Variants in SCD5 observed in about 807,000 individuals in gnomAD.
SCD5 encodes the protein stearoyl-CoA desaturase 5.
SCD5 carries 20 observed loss-of-function variants against 30.4 expected under a neutral mutation model. That is an observed-to-expected ratio of 0.66 (90% confidence interval 0.46 to 0.96). The LOEUF (loss-of-function observed/expected upper bound fraction) is 0.96. Among genes scored for constraint, SCD5 ranks in the 40% least tolerant of loss-of-function variants. The probability of loss-of-function intolerance (pLI) is 0.00; values close to 1 mark genes in which losing one functional copy is unlikely to be tolerated. For synonymous variants in SCD5, 173 were observed against 176.4 expected, an observed-to-expected ratio of 0.98 and a Z score of 0.16; for missense variants, 381 against 443.3, an observed-to-expected ratio of 0.86 and a Z score of 1.26.
chr4:82,718,623 T>C (rs1234368900), intron 1 of SCD5, among the ~76,000 whole-genome samples: 1 of 151,604 alleles, frequency 6.6e-6, no homozygotes, highest in Non-Finnish European at 1.5e-5. Context: ...CTGGCTTAAA[T>C]AGAAAAAAAA....
At chr4:82,725,642 T>C (rs1034020997) in intron 1 of SCD5, among the ~76,000 whole-genome samples, 3 of 152,024 alleles carry the variant, frequency 2.0e-5, no homozygotes, top group Non-Finnish European at 4.4e-5. Context: ...GGCAGATCAT[T>C]TGAGACCAGG....
chr4:82,766,002 T>A (rs1178569448), intron 1 of SCD5, among the ~76,000 whole-genome samples: 1 of 152,232 alleles, frequency 6.6e-6, no homozygotes, highest in African/African-American at 2.4e-5. Flanking sequence ...ATACTGTTCT[T>A]TTCTCTCTGG....
chr4:82,786,947 C>T (rs778707928), intron 1 of SCD5, among the ~76,000 whole-genome samples: 1 of 152,180 alleles, frequency 6.6e-6, no homozygotes, highest in Non-Finnish European at 1.5e-5. Flanking sequence ...CCGCTCTACA[C>T]ATTTTTCTGA....
intron 3 of SCD5, chr4:82,660,905 C>T (rs1475079927): frequency 1.9e-6 from 3 of 1,614,000 alleles, no homozygotes; most frequent in Non-Finnish European, 1.7e-6. Context: ...ACAGAAAGAG[C>T]ACGCAGCATC....
intron 4 of SCD5, among the ~76,000 whole-genome samples, chr4:82,635,721 G>A (rs1319101788): frequency 6.6e-6 from 1 of 151,762 alleles, no homozygotes; most frequent in East Asian, 1.9e-4. Flanking sequence ...GACCCAGGAG[G>A]AGGTAAGTGC....
rs35780731 is a variant in SCD5 at position 82,730,228 on chromosome 4, A to AT, written c.233-24816dup. On this transcript the variant is annotated intron_variant, in intron 1 of 4. Coordinates refer to ENST00000319540, the MANE Select transcript of SCD5 (RefSeq NM_001037582.3). ...TTATATAATACATATATTATATTAT[A>AT]TATAATATTTAAAAACATATAATAT... is the stretch of plus-strand genomic sequence containing the variant. 2.4e-3 allele frequency among the ~76,000 whole-genome samples: 303 copies of AT among 128,544 alleles called. 1 individual carries two copies. The highest frequency in any genetic ancestry group is 8.4e-3 in the African/African-American group (282 of 33,602). 84.3% of individuals were successfully genotyped at this position (128,544 alleles called of 152,430 possible).
At position 82,631,290 on chromosome 4, in the gene SCD5, G is replaced by A. The variant is rs1484019138; in HGVS notation, c.*37C>T. The stretch of plus-strand genomic sequence containing the variant: ...ATTGTAACCAAAGCCATGAACCGAG[G>A]TTGCAACGGCAGACATGTGGGATGG... On this transcript the variant is annotated 3_prime_UTR_variant, in exon 5 of 5. Coordinates refer to ENST00000319540, the MANE Select transcript of SCD5 (RefSeq NM_001037582.3). The A allele has an allele frequency of 6.3e-7, 1 of 1,594,302 alleles. No homozygotes were observed. The highest frequency in any genetic ancestry group is 2.0e-4 in the Middle Eastern group (1 of 4,984).
chr4:82,641,869 A>G (rs1257851270), intron 3 of SCD5, among the ~76,000 whole-genome samples: 2 of 152,108 alleles, frequency 1.3e-5, no homozygotes, highest in Non-Finnish European at 2.9e-5. Flanking sequence ...GAGTGGAGTC[A>G]AGGATGACAC....
At chr4:82,649,493 T>C (rs1196869914) in intron 3 of SCD5, among the ~76,000 whole-genome samples, 1 of 152,186 alleles carries the variant, frequency 6.6e-6, no homozygotes, top group African/African-American at 2.4e-5. Context: ...GCAAACATTT[T>C]TCAGAGGGGC....
intron 1 of SCD5, among the ~76,000 whole-genome samples, chr4:82,720,441 T>TAAAAAAAAAAAAAAAAAAAA (rs1553917690): frequency 2.6e-5 from 2 of 77,936 alleles, no homozygotes; most frequent in African/African-American, 5.3e-5. Flanking sequence ...AAGGCAAAAA[T>TAAAAAAAAAAAAAAAAAAAA]AAAAAAAAAA....
intron 1 of SCD5, among the ~76,000 whole-genome samples, chr4:82,758,630 C>G (rs573454902): frequency 6.6e-6 from 1 of 152,124 alleles, no homozygotes; most frequent in Admixed American, 6.5e-5. Context: ...GCTCAGAGAC[C>G]CCACTCTGTA....
At chr4:82,750,383 A>G (rs527458593) in intron 1 of SCD5, among the ~76,000 whole-genome samples, 2 of 152,310 alleles carry the variant, frequency 1.3e-5, no homozygotes, top group South Asian at 4.1e-4. Flanking sequence ...ACTATCTCCA[A>G]AACATCTGTG....
intron 4 of SCD5, among the ~76,000 whole-genome samples, chr4:82,636,317 G>A (rs1181936161): frequency 6.6e-6 from 1 of 152,014 alleles, no homozygotes; most frequent in Admixed American, 6.5e-5. Context: ...CAGGGATAGT[G>A]GTGGATGCCT....
intron 1 of SCD5, among the ~76,000 whole-genome samples, chr4:82,712,243 CATATATATAT>C (rs762732703): frequency 0.017 from 485 of 28,726 alleles, 7 homozygotes; most frequent in Non-Finnish European, 0.031. Flanking sequence ...GACCAACTAA[CATATATATAT>C]ATATATATAT....
intron 3 of SCD5, among the ~76,000 whole-genome samples, chr4:82,679,666 CTT>C (rs1728526278): frequency 6.6e-6 from 1 of 152,284 alleles, no homozygotes; most frequent in South Asian, 2.1e-4. Flanking sequence ...GAGTCAGAGA[CTT>C]TGATTCCAGC....
At chr4:82,791,163 G>A (rs906665431) in intron 1 of SCD5, among the ~76,000 whole-genome samples, 5 of 152,158 alleles carry the variant, frequency 3.3e-5, no homozygotes, top group South Asian at 2.1e-4. Flanking sequence ...GCTTGAACCC[G>A]GGAGATGGAG....
intron 2 of SCD5, among the ~76,000 whole-genome samples, chr4:82,704,805 T>C (rs910640197): frequency 6.6e-6 from 1 of 152,216 alleles, no homozygotes; most frequent in Non-Finnish European, 1.5e-5. Flanking sequence ...TGGCCTGCAT[T>C]TGCCTAGCCC....
chr4:82,746,918 A>C (rs1720997255), intron 1 of SCD5, among the ~76,000 whole-genome samples: 2 of 149,176 alleles, frequency 1.3e-5, no homozygotes, highest in African/African-American at 4.9e-5. Flanking sequence ...CTGTTGCCAT[A>C]TAAACCCGAG....
At chr4:82,694,092 C>T (rs887018790) in intron 2 of SCD5, among the ~76,000 whole-genome samples, 1 of 152,220 alleles carries the variant, frequency 6.6e-6, no homozygotes, top group Non-Finnish European at 1.5e-5. Context: ...GCAGCCTAGC[C>T]GCAGGCGCCT....
Sources: allele counts gnomAD v4.1 joint callset (sites outside exome capture counted in the v4.1 genomes callset), GRCh38; gene constraint gnomAD v4.1.1; transcripts MANE v1.5; gene names NCBI Gene and HGNC (gene_info 2026-07-23, HGNC 2026-07-21).